The following MTPN variants were observed in gnomAD, a reference collection of about 807,000 sequenced individuals.
MTPN encodes granule cell differentiation protein.
A neutral mutation model predicts 13.5 loss-of-function variants in MTPN; 2 were observed. The ratio of observed to expected loss-of-function variants is 0.15; its 90% confidence interval spans 0.06 to 0.47. MTPN has a LOEUF of 0.47. MTPN is among the 20% of genes least tolerant of loss of function. MTPN has a pLI of 0.97. For missense variants in MTPN, 79 were observed against 137.9 expected (o/e 0.57, Z 2.14); for synonymous variants, 46 against 51.7 (o/e 0.89, Z 0.48).
intron 3 of MTPN, among the ~76,000 whole-genome samples, chr7:135,936,671 T>C (rs1799119238): frequency 6.6e-6 from 1 of 152,214 alleles, no homozygotes; most frequent in Non-Finnish European, 1.5e-5. Context: ...TTTCAGGTAA[T>C]TGCAACATAG....
intron 1 of MTPN, among the ~76,000 whole-genome samples, chr7:135,968,187 C>G (rs1799635307): frequency 6.6e-6 from 1 of 151,982 alleles, no homozygotes; most frequent in African/African-American, 2.4e-5. Context: ...TTTTATATGT[C>G]AAATTGAAAT....
chr7:135,939,513 C>A (rs1168130653), intron 3 of MTPN, among the ~76,000 whole-genome samples: 2 of 143,366 alleles, frequency 1.4e-5, no homozygotes, highest in East Asian at 2.1e-4. Flanking sequence ...CTGTTGTCAA[C>A]AGACACAATG....
At chr7:135,960,998 A>G (rs981975468) in intron 1 of MTPN, among the ~76,000 whole-genome samples, 2 of 152,054 alleles carry the variant, frequency 1.3e-5, no homozygotes, top group African/African-American at 4.8e-5. Flanking sequence ...AGAAAGTGAC[A>G]TATAGCAAGG....
chr7:135,959,067 A>G (rs1799485887), intron 1 of MTPN, among the ~76,000 whole-genome samples: 1 of 152,142 alleles, frequency 6.6e-6, no homozygotes, highest in African/African-American at 2.4e-5. Flanking sequence ...AAATACAACC[A>G]TTGTTACCAC....
chr7:135,964,760 T>C (rs1799578610), intron 1 of MTPN, among the ~76,000 whole-genome samples: 1 of 152,098 alleles, frequency 6.6e-6, no homozygotes, highest in African/African-American at 2.4e-5. Flanking sequence ...CATCTTTGAA[T>C]CATAAAGGTT....
At chr7:135,971,406 T>C (rs1799691872) in intron 1 of MTPN, among the ~76,000 whole-genome samples, 2 of 152,210 alleles carry the variant, frequency 1.3e-5, no homozygotes, top group Non-Finnish European at 2.9e-5. Flanking sequence ...TCTCAATGGA[T>C]AATTACCATC....
In MTPN at chr7:135,976,796, C is replaced by A. The variant is rs542169254; in HGVS notation, c.72+233G>T. ...CCCAAGAGGCCAGGAAGTCAGGTAGCGCCTAACTGTATTAACGCAGCAGTT... is the reference window on the plus strand; with the variant it reads ...CCCAAGAGGCCAGGAAGTCAGGTAGAGCCTAACTGTATTAACGCAGCAGTT... On this transcript the variant is annotated intron_variant, in intron 1 of 3. Transcript: ENST00000393085. 3.3e-5 allele frequency among the ~76,000 whole-genome samples: 5 copies of A among 152,242 alleles called. No homozygotes were observed. In the East Asian group the frequency reaches 7.7e-4, roughly 24 times the overall value.
At chr7:135,935,939 C>A (rs1324163783) in intron 3 of MTPN, among the ~76,000 whole-genome samples, 1 of 152,068 alleles carries the variant, frequency 6.6e-6, no homozygotes, top group African/African-American at 2.4e-5. Flanking sequence ...GTACCTGGAG[C>A]TGTAATGACA....
At chr7:135,967,368 A>G (rs929848169) in intron 1 of MTPN, among the ~76,000 whole-genome samples, 1 of 152,168 alleles carries the variant, frequency 6.6e-6, no homozygotes, top group Non-Finnish European at 1.5e-5. Context: ...TTCAGGAAGA[A>G]GAAGAAATTT....
chr7:135,965,661 T>C (rs1041627053), intron 1 of MTPN, among the ~76,000 whole-genome samples: 8 of 152,092 alleles, frequency 5.3e-5, no homozygotes, highest in Non-Finnish European at 1.2e-4. Context: ...ATGATAGTCA[T>C]GAGAGGTTAC....
chr7:135,930,066 A>G, intron 3 of MTPN, 54 bp from the exon 4 acceptor site: 2 of 1,458,086 alleles, frequency 1.4e-6, no homozygotes, highest in South Asian at 2.3e-5. Flanking sequence ...GGGGAAGGGA[A>G]TGTAAGACTA....
intron 3 of MTPN, among the ~76,000 whole-genome samples, chr7:135,937,349 G>T (rs1293162452): frequency 6.7e-6 from 1 of 150,346 alleles, no homozygotes; most frequent in Non-Finnish European, 1.5e-5. Context: ...TATATATATA[G>T]ATCTCCAAGT....
chr7:135,927,847 T>C lies in MTPN; in HGVS notation c.*2079A>G, dbSNP rs1221006491. On this transcript the variant is annotated 3_prime_UTR_variant, in exon 4 of 4. Coordinates refer to ENST00000393085, the MANE Select transcript of MTPN (RefSeq NM_145808.4). ...AAAGAATCACATGGTTTCCATACCA[T>C]GAATGTAGAAAGCAGACCAGGTTTA... 2.6e-6 allele frequency: 1 copy of C among 379,348 alleles called. No individual in the cohort carries two copies. The highest frequency in any genetic ancestry group is 5.3e-6 in the Non-Finnish European group (1 of 190,064). 23.5% of individuals were successfully genotyped at this position (379,348 alleles called of 1,614,324 possible). A position where few individuals can be genotyped will look rare whatever the true frequency, so the allele number is the denominator to read the frequency against.
chr7:135,952,283 CAGA>C (rs1562932860), intron 1 of MTPN, among the ~76,000 whole-genome samples: 1 of 152,100 alleles, frequency 6.6e-6, no homozygotes. Context: ...TCAGGGCTTT[CAGA>C]AGAACATGAC....
At chr7:135,960,893 T>A (rs1325812956) in intron 1 of MTPN, 1 of 150,946 alleles carries the variant, frequency 6.6e-6, no homozygotes, top group Non-Finnish European at 1.5e-5. Flanking sequence ...CCAAAAGACA[T>A]GGGCTCAATA....
chr7:135,931,632 CAAAAAAGTT>C (rs1472637765), intron 3 of MTPN, among the ~76,000 whole-genome samples: 1 of 152,002 alleles, frequency 6.6e-6, no homozygotes, highest in African/African-American at 2.4e-5. Context: ...TAACTGTATT[CAAAAAAGTT>C]ATTTCTTATT....
In MTPN at chr7:135,977,319, AG is replaced by A. The variant is rs2116423125; in HGVS notation, c.-220del. On this transcript the variant is annotated 5_prime_UTR_variant, in exon 1 of 4. Coordinates refer to ENST00000393085, the MANE Select transcript of MTPN (RefSeq NM_145808.4). ...TTTGCGGCCACCGGGCCCAGCAGAG[AG>A]GTTCCGCCTGGCCGAGGAGAGGCAG... The A allele has an allele frequency of 1.7e-6, 1 of 587,904 alleles. No individual in the cohort carries two copies. The highest frequency in any genetic ancestry group is 1.9e-5 in the African/African-American group (1 of 53,502). The allele number at this position is 587,904 out of a possible 1,614,324, so 36.4% of individuals were successfully genotyped here. A position where few individuals can be genotyped will look rare whatever the true frequency, so the allele number is the denominator to read the frequency against.
At chr7:135,966,572 T>C (rs990433770) in intron 1 of MTPN, among the ~76,000 whole-genome samples, 1 of 152,102 alleles carries the variant, frequency 6.6e-6, no homozygotes, top group South Asian at 2.1e-4. Context: ...AGTCCGGGAC[T>C]GTCTGTGAAA....
At chr7:135,972,588 G>A (rs1467030668) in intron 1 of MTPN, among the ~76,000 whole-genome samples, 2 of 152,032 alleles carry the variant, frequency 1.3e-5, no homozygotes, top group African/African-American at 4.8e-5. Context: ...ATTCCTTGGC[G>A]CTATGTTGGA....
Sources: allele counts gnomAD v4.1 joint callset (sites outside exome capture counted in the v4.1 genomes callset), GRCh38; gene constraint gnomAD v4.1.1; transcripts MANE v1.5; gene names NCBI Gene and HGNC (gene_info 2026-07-23, HGNC 2026-07-21).